The following MYRIP variants were observed in gnomAD, a reference collection of about 807,000 sequenced individuals.
MYRIP encodes myosin VIIA and Rab interacting protein.
MYRIP carries 49 observed loss-of-function variants against 98.0 expected under a neutral mutation model. The observed-to-expected ratio is 0.50, with a 90% confidence interval of 0.40 to 0.63. MYRIP has a LOEUF of 0.63. Ranked by LOEUF, MYRIP falls within the 30% of genes least tolerant of loss-of-function variation. The pLI is 0.00. For missense variants in MYRIP, 1,004 were observed against 1,058.2 expected, an observed-to-expected ratio of 0.95 and a Z score of 0.71; for synonymous variants, 404 against 409.5, an observed-to-expected ratio of 0.99 and a Z score of 0.16.
chr3:40,148,289 G>C (rs1427333202), intron 3 of MYRIP, among the ~76,000 whole-genome samples: 1 of 152,080 alleles, frequency 6.6e-6, no homozygotes, highest in Non-Finnish European at 1.5e-5. Context: ...TCCATTTGTT[G>C]TTTAGGCAAT....
chr3:40,108,679 C>T (rs545020342), intron 3 of MYRIP, among the ~76,000 whole-genome samples: 1 of 152,086 alleles, frequency 6.6e-6, no homozygotes, highest in Non-Finnish European at 1.5e-5. Context: ...GCAAAGCAAC[C>T]CTTTGACTGG....
Position 40,013,263 on chromosome 3 carries a change from AG to A in MYRIP, c.111-30786del, listed in dbSNP as rs1946799420. Among the ~76,000 whole-genome samples the A allele has an allele frequency of 5.3e-5, 8 of 152,308 alleles. No individual in the cohort carries two copies. The South Asian group carries it at 1.7e-3, about 32-fold the overall frequency. ...ATTATTACTCTCGTGTCAATCCTGG[AG>A]AAGTAAGAACCTTAACAGTACCTTG... On this transcript the variant is annotated intron_variant, in intron 2 of 16. Transcript: ENST00000302541.
intron 2 of MYRIP, among the ~76,000 whole-genome samples, chr3:40,001,970 G>C (rs1025874625): frequency 1.3e-5 from 2 of 152,188 alleles, no homozygotes; most frequent in African/African-American, 4.8e-5. Flanking sequence ...CCCCATGGAA[G>C]GTGATACCAG....
chr3:40,047,796 C>T (rs1342942397), intron 3 of MYRIP, among the ~76,000 whole-genome samples: 3 of 152,106 alleles, frequency 2.0e-5, no homozygotes, highest in African/African-American at 4.8e-5. Flanking sequence ...GGCCTGTGAG[C>T]GGACAGTCTT....
intron 4 of MYRIP, among the ~76,000 whole-genome samples, chr3:40,159,531 A>C (rs1396506611): frequency 6.6e-6 from 1 of 151,298 alleles, no homozygotes; most frequent in Admixed American, 6.6e-5. Flanking sequence ...CCTGAATCTG[A>C]ATGTTGGCCT....
intron 11 of MYRIP, chr3:40,233,024 T>A (rs1952707250): frequency 6.6e-6 from 1 of 152,252 alleles, no homozygotes; most frequent in Non-Finnish European, 1.5e-5. Context: ...AGGTTTGGCA[T>A]TCATCTTCAA....
intron 2 of MYRIP, among the ~76,000 whole-genome samples, chr3:40,017,364 A>C (rs966740670): frequency 1.1e-4 from 17 of 152,234 alleles, no homozygotes; most frequent in Non-Finnish European, 4.4e-5. Flanking sequence ...GGAACTCTCC[A>C]TAACCCTTGA....
chr3:40,191,335 T>C (rs1216014334), intron 10 of MYRIP, among the ~76,000 whole-genome samples: 1 of 152,200 alleles, frequency 6.6e-6, no homozygotes, highest in African/African-American at 2.4e-5. Flanking sequence ...TTCCCAGCCC[T>C]GTGACTTTGA....
At chr3:40,047,470 C>G (rs1240140087) in intron 3 of MYRIP, among the ~76,000 whole-genome samples, 1 of 152,170 alleles carries the variant, frequency 6.6e-6, no homozygotes, top group Admixed American at 6.5e-5. Context: ...GAGGAGTCTT[C>G]CACATTCAAT....
chr3:40,217,455 C>T (rs1243694839), intron 11 of MYRIP, among the ~76,000 whole-genome samples: 1 of 152,044 alleles, frequency 6.6e-6, no homozygotes, highest in African/African-American at 2.4e-5. Flanking sequence ...GTTATATTTA[C>T]AGGCTAAAGG....
At chr3:40,171,728 G>A (rs937251787) in intron 8 of MYRIP, among the ~76,000 whole-genome samples, 1 of 152,234 alleles carries the variant, frequency 6.6e-6, no homozygotes, top group African/African-American at 2.4e-5. Flanking sequence ...CTAAAGGATG[G>A]CTCCAAGGAT....
intron 4 of MYRIP, among the ~76,000 whole-genome samples, chr3:40,161,238 A>C (rs924047993): frequency 2.0e-5 from 3 of 152,150 alleles, no homozygotes; most frequent in Non-Finnish European, 4.4e-5. Context: ...AAAAAACATC[A>C]CATCATACTA....
rs76981432 is a variant in MYRIP, at chr3:39,878,604, A to G, written c.-30-22183A>G. On this transcript the variant is annotated intron_variant, in intron 1 of 16. Coordinates refer to ENST00000302541, the MANE Select transcript of MYRIP (RefSeq NM_015460.4). ...TGTATATATATATACATTTGTATGT[A>G]TAGACATGTACATATATATCTTTTT... Among the ~76,000 whole-genome samples, 1,407 of 152,250 alleles carry G rather than the reference A, an allele frequency of 9.2e-3. 26 individuals are homozygous for G. The highest frequency in any genetic ancestry group is 0.032 in the African/African-American group (1,330 of 41,532).
chr3:39,990,701 A>T (rs1341665062), intron 2 of MYRIP, among the ~76,000 whole-genome samples: 4 of 152,200 alleles, frequency 2.6e-5, no homozygotes, highest in Non-Finnish European at 4.4e-5. Flanking sequence ...ATCGTGGCCC[A>T]AGAGAGGATA....
At chr3:40,233,772 A>T (rs2125700169) in intron 11 of MYRIP, 87 bp from the exon 12 acceptor site, 4 of 1,219,110 alleles carry the variant, frequency 3.3e-6, no homozygotes, top group Non-Finnish European at 4.7e-6. Flanking sequence ...CCTCATGATG[A>T]TGAGTGTCAT....
At chr3:39,989,791 A>G (rs755418991) in intron 2 of MYRIP, among the ~76,000 whole-genome samples, 1 of 152,196 alleles carries the variant, frequency 6.6e-6, no homozygotes, top group Non-Finnish European at 1.5e-5. Context: ...TCTGTCCGCA[A>G]TCTGCCACAG....
chr3:40,153,642 C>T (rs912453875), intron 4 of MYRIP, among the ~76,000 whole-genome samples: 2 of 152,160 alleles, frequency 1.3e-5, no homozygotes, highest in African/African-American at 4.8e-5. Context: ...GAACAAGGTC[C>T]TCAGCTAGAA....
At chr3:40,078,318 C>CGTGT (rs1948399387) in intron 3 of MYRIP, among the ~76,000 whole-genome samples, 1 of 152,218 alleles carries the variant, frequency 6.6e-6, no homozygotes, top group Non-Finnish European at 1.5e-5. Flanking sequence ...CCCTCCACAC[C>CGTGT]TCCCTGCGAG....
At position 40,209,980 on chromosome 3, in the gene MYRIP, G is replaced by A. The variant is rs865804876; in HGVS notation, c.1792G>A (p.Glu598Lys). Reference protein sequence around the residue: ...YELAMKMSEKETSSGEDQESE... With the variant: ...YELAMKMSEKKTSSGEDQESE... ...GTTAGCAATGAAAATGAGTGAAAAG[G>A]AGACTTCTTCAGGGGAGGATCAGGA... Residue 598 changes from glutamate (E) to lysine (K), a missense_variant, in exon 11 of 17, where the codon GAG (glutamate) becomes AAG (lysine). Coordinates refer to ENST00000302541, the MANE Select transcript of MYRIP (RefSeq NM_015460.4). 1.2e-6 allele frequency: 2 copies of A among 1,614,056 alleles called. No homozygotes were observed. Among genetic ancestry groups the A allele is most frequent in the Non-Finnish European group, 1.7e-6 (2 of 1,179,964 alleles).
Sources: gnomAD v4.1 joint callset for allele counts (sites outside exome capture counted in the v4.1 genomes callset) on GRCh38, gnomAD v4.1.1 for gene constraint, MANE v1.5 for transcripts, NCBI Gene and HGNC (gene_info 2026-07-23, HGNC 2026-07-21) for gene names.